The following ARFIP2 variants were observed in gnomAD, a reference collection of about 807,000 sequenced individuals.
The protein encoded by ARFIP2 is ARF interacting protein 2.
In ARFIP2, 14 loss-of-function variants were observed where a neutral mutation model predicts 39.2. The ratio of observed to expected loss-of-function variants is 0.36; its 90% CI spans 0.24 to 0.56. ARFIP2 has a LOEUF of 0.56. Ranked by LOEUF, ARFIP2 falls within the 20% of genes least tolerant of loss-of-function variation. The pLI is 0.85. For synonymous variants in ARFIP2, 167 were observed against 172.4 expected, an observed-to-expected ratio of 0.97 and a Z score of 0.24; for missense variants, 305 against 422.5, an observed-to-expected ratio of 0.72 and a Z score of 2.44.
chr11:6,477,184 T>C lies in ARFIP2; in HGVS notation c.955A>G (p.Thr319Ala). The C allele has an allele frequency of 1.2e-6, 2 of 1,612,900 alleles. No individual in the cohort carries two copies. Among genetic ancestry groups the C allele is most frequent in the Non-Finnish European group, 1.7e-6 (2 of 1,179,472 alleles). ...AGCTTGATGTTGAACTGCTGCAGGGTCTGCTCCAGCTGTTTCTGGTTCCCA... is the reference window on the plus strand; with the variant it reads ...AGCTTGATGTTGAACTGCTGCAGGGCCTGCTCCAGCTGTTTCTGGTTCCCA... ...FAGNQKQLEQ[T>A]LQQFNIKLRP... The change falls in exon 8 of 8, where the codon ACC becomes GCC. Residue 319 changes from threonine (T) to alanine (A), a missense_variant. Coordinates refer to ENST00000396777, the MANE Select transcript of ARFIP2 (RefSeq NM_001376558.2). This position sits in a 1 kb window ranked among gnomAD's most constrained non-coding sequence, Gnocchi z 4.8.
At chr11:6,480,581 A>G in intron 1 of ARFIP2, 118 bp from the exon 2 acceptor site, 1 of 588,980 alleles carries the variant, frequency 1.7e-6, no homozygotes, top group East Asian at 3.0e-5. Flanking sequence ...TTTGGCCATC[A>G]TTCCTTTCTT....
rs766340094 is a variant in ARFIP2, at chr11:6,479,333, C to T, written c.197-75G>A. On this transcript the variant is annotated intron_variant, in intron 3 of 7. Coordinates refer to ENST00000396777, the MANE Select transcript of ARFIP2 (RefSeq NM_001376558.2). Reference sequence around the variant, plus strand: ...CCTCTGTGGCCCCACCCATACTTCTCTTCGAGCACATGAAATTGACTTCCC... The same window carrying T: ...CCTCTGTGGCCCCACCCATACTTCTTTTCGAGCACATGAAATTGACTTCCC... 7 of 1,610,738 alleles carry T rather than the reference C, an allele frequency of 4.3e-6. No homozygotes were observed. The highest frequency in any genetic ancestry group is 5.9e-6 in the Non-Finnish European group (7 of 1,180,004).
At position 6,477,838 on chromosome 11, in the gene ARFIP2, C is replaced by T. The variant is rs775171912; in HGVS notation, c.750G>A (p.Arg250=). ...CAAGTCGACCACGTGTCCCTGCATCCCGGGGGCCTAGACTCAGCTCCTCTA... is the reference window on the plus strand; with the variant it reads ...CAAGTCGACCACGTGTCCCTGCATCTCGGGGGCCTAGACTCAGCTCCTCTA... ...TDLEELSLGP[R]DAGTRGRLES... Residue 250 remains arginine, a synonymous_variant, in exon 7 of 8, where the codon CGG becomes CGA. Transcript: ENST00000396777. This position sits in a 1 kb window ranked among gnomAD's most constrained non-coding sequence, Gnocchi z 4.8. 3.7e-6 allele frequency: 6 copies of T among 1,613,890 alleles called. No homozygotes were observed. The African/African-American group carries it at 4.0e-5, about 11-fold the overall frequency.
chr11:6,479,590 C>G (rs1192275586), intron 3 of ARFIP2: 11 of 573,454 alleles, frequency 1.9e-5, no homozygotes, highest in Non-Finnish European at 3.4e-5. Flanking sequence ...TGGTTGCATT[C>G]CCATGTGGAA....
chr11:6,477,011 C>A lies in ARFIP2; in HGVS notation c.*102G>T, dbSNP rs1177329870. On this transcript the variant is annotated 3_prime_UTR_variant, in exon 8 of 8. Transcript: ENST00000396777. This position sits in a 1 kb window ranked among gnomAD's most constrained non-coding sequence, Gnocchi z 4.8. The stretch of plus-strand genomic sequence containing the variant: ...CCCCAGCCAGAAAAAGGAGCCCAAG[C>A]CAGAGGGCAAGTGACAAAGGATGTA... The A allele has an allele frequency of 1.5e-6, 2 of 1,372,858 alleles. No homozygotes were observed. The highest frequency in any genetic ancestry group is 2.5e-5 in the East Asian group (1 of 39,368). The allele number at this position is 1,372,858 out of a possible 1,614,324, so 85.0% of individuals were successfully genotyped here.
At chr11:6,481,058 A>G (rs370158300) in intron 1 of ARFIP2, 173 bp downstream of exon 1, 96 of 229,664 alleles carry the variant, frequency 4.2e-4, no homozygotes, top group African/African-American at 2.1e-3. Flanking sequence ...CTCCCAGGAT[A>G]TCGGTGACCC....
At chr11:6,480,166 T>A (rs1211151517) in intron 2 of ARFIP2, 98 bp from the exon 3 acceptor site, 2 of 1,304,070 alleles carry the variant, frequency 1.5e-6, no homozygotes, top group East Asian at 4.6e-5. Context: ...ATAAAGATAG[T>A]ACACAAGGGA....
At chr11:6,480,187 G>A (rs1851570355) in intron 2 of ARFIP2, 119 bp from the exon 3 acceptor site, 1 of 1,272,754 alleles carries the variant, frequency 7.9e-7, no homozygotes. Context: ...AGTCTGCACA[G>A]AATCAAAATG....
At position 6,478,018 on chromosome 11, in the gene ARFIP2, C is replaced by G. The variant is rs1851285180; in HGVS notation, c.695+23G>C. On this transcript the variant is annotated intron_variant, in intron 6 of 7. Coordinates refer to ENST00000396777, the MANE Select transcript of ARFIP2 (RefSeq NM_001376558.2). This position sits in a 1 kb window ranked among gnomAD's most constrained non-coding sequence, Gnocchi z 4.8. ...CCCATACCAGCCAACTCCCCAAACC[C>G]TAAGCCCTGCCAGTGCCCACACCTG... 2.5e-6 allele frequency: 4 copies of G among 1,612,456 alleles called. No homozygotes were observed. The highest frequency in any genetic ancestry group is 3.3e-5 in the Admixed American group (2 of 59,952).
In ARFIP2 at chr11:6,478,209, A is replaced by G. The variant is rs1249133418; in HGVS notation, c.538-11T>C. On this transcript the variant is annotated splice_polypyrimidine_tract_variant and intron_variant, in intron 5 of 7. Transcript: ENST00000396777. This position sits in a 1 kb window ranked among gnomAD's most constrained non-coding sequence, Gnocchi z 4.8. ...GTAGCCAAATTCCTCCTGAGGGCAG[A>G]AGGGAGGAACAGACCTTGAATAACA... 1 of 1,613,938 alleles carries G rather than the reference A, an allele frequency of 6.2e-7. No individual in the cohort carries two copies. Among genetic ancestry groups the G allele is most frequent in the Non-Finnish European group, 8.5e-7 (1 of 1,179,924 alleles).
rs1851135131 is a variant in ARFIP2 at position 6,476,940 on chromosome 11, C to T, written c.*173G>A. ...GACAGGGCAGCAACTTCTGGGCCTC[C>T]AGGCCCTCTTCCCACCATAGCAATG... On this transcript the variant is annotated 3_prime_UTR_variant, in exon 8 of 8. Coordinates refer to ENST00000396777, the MANE Select transcript of ARFIP2 (RefSeq NM_001376558.2). 1 of 697,918 alleles carries T rather than the reference C, an allele frequency of 1.4e-6. No homozygotes were observed. The highest frequency in any genetic ancestry group is 2.3e-6 in the Non-Finnish European group (1 of 438,216). The allele number at this position is 697,918 out of a possible 1,614,324, so 43.2% of individuals were successfully genotyped here.
chr11:6,476,958 T>C lies in ARFIP2; in HGVS notation c.*155A>G. 2 of 852,488 alleles carry C rather than the reference T, an allele frequency of 2.3e-6. No homozygotes were observed. Among genetic ancestry groups the C allele is most frequent in the Non-Finnish European group, 1.8e-6 (1 of 571,394 alleles). 52.8% of individuals were successfully genotyped at this position (852,488 alleles called of 1,614,324 possible). A position where few individuals can be genotyped will look rare whatever the true frequency, so the allele number is the denominator to read the frequency against. ...GGGCCTCCAGGCCCTCTTCCCACCA[T>C]AGCAATGTGGGCAAAACTGGTGTCA... On this transcript the variant is annotated 3_prime_UTR_variant, in exon 8 of 8. Coordinates refer to ENST00000396777, the MANE Select transcript of ARFIP2 (RefSeq NM_001376558.2).
chr11:6,478,085 G>A lies in ARFIP2; in HGVS notation c.651C>T (p.Thr217=), dbSNP rs1335755418. Reference sequence around the variant, plus strand: ...TCACAGTCATGAGCGTGTCTTCCATGGTCTTGGTGACCAATGTGTTGATGC... The same window carrying A: ...TCACAGTCATGAGCGTGTCTTCCATAGTCTTGGTGACCAATGTGTTGATGC... ...VSSINTLVTK[T]MEDTLMTVKQ... Residue 217 remains threonine, a synonymous_variant, in exon 6 of 8, where the codon ACC becomes ACT. Coordinates refer to ENST00000396777, the MANE Select transcript of ARFIP2 (RefSeq NM_001376558.2). The surrounding 1 kb of genome is among the most constrained non-coding windows in gnomAD (Gnocchi z 4.8). The A allele has an allele frequency of 3.1e-6, 5 of 1,613,950 alleles. No homozygotes were observed. Among genetic ancestry groups the A allele is most frequent in the Non-Finnish European group, 4.2e-6 (5 of 1,180,002 alleles).
At chr11:6,479,869 G>A (rs760604885) in intron 3 of ARFIP2, 103 bp downstream of exon 3, 2 of 1,171,782 alleles carry the variant, frequency 1.7e-6, no homozygotes, top group Non-Finnish European at 2.5e-6. Flanking sequence ...AAGTTCCCAA[G>A]ATCTCCAGAC....
Position 6,478,455 on chromosome 11 carries a change from A to G in ARFIP2, c.538-257T>C. ...CAGTCTGAGAGCTAGTGTGGCAAGCAGGGGAGGGGCTCTGATTAGGCTGAG... is the reference window on the plus strand; with the variant it reads ...CAGTCTGAGAGCTAGTGTGGCAAGCGGGGGAGGGGCTCTGATTAGGCTGAG... On this transcript the variant is annotated intron_variant, in intron 5 of 7. Transcript: ENST00000396777. The surrounding 1 kb of genome is among the most constrained non-coding windows in gnomAD (Gnocchi z 4.8). The G allele has an allele frequency of 9.5e-7, 1 of 1,058,122 alleles. No individual in the cohort carries two copies. The highest frequency in any genetic ancestry group is 1.3e-6 in the Non-Finnish European group (1 of 756,390). 65.5% of individuals were successfully genotyped at this position (1,058,122 alleles called of 1,614,324 possible).
At chr11:6,480,163 TAGTACACAAGGGA>T (rs1851568305) in intron 2 of ARFIP2, 95 bp from the exon 3 acceptor site, 1 of 1,315,946 alleles carries the variant, frequency 7.6e-7, no homozygotes. Flanking sequence ...ATCATAAAGA[TAGTACACAAGGGA>T]AGTCTGCACA....
rs186878843 is a variant in ARFIP2, at chr11:6,480,281, G to T, written c.99+42C>A. ...GTGAGAACCTAGGATTTATAAATTG[G>T]ATTCCTAAATTGAAACAATTAGAAG... On this transcript the variant is annotated intron_variant, in intron 2 of 7. Transcript: ENST00000396777. The T allele has an allele frequency of 5.4e-4, 852 of 1,577,884 alleles. 5 individuals carry two copies. The African/African-American group carries it at 0.01, about 19-fold the overall frequency.
chr11:6,479,031 C>T, intron 4 of ARFIP2, 72 bp from the exon 5 acceptor site: 3 of 1,570,750 alleles, frequency 1.9e-6, no homozygotes, highest in Non-Finnish European at 8.7e-7. Flanking sequence ...TACCCCAGCA[C>T]CCCCCAGGCT....
At chr11:6,479,823 T>A (rs1349931460) in intron 3 of ARFIP2, 149 bp downstream of exon 3, 1 of 760,892 alleles carries the variant, frequency 1.3e-6, no homozygotes, top group Admixed American at 2.5e-5. Flanking sequence ...GAGTTGCTTT[T>A]GGGCTGAGGA....
Sources: gnomAD v4.1 joint callset for allele counts on GRCh38, gnomAD v4.1.1 for gene constraint, Gnocchi (gnomAD v3.1) non-coding constraint, MANE v1.5 for transcripts, NCBI Gene and HGNC (gene_info 2026-07-23, HGNC 2026-07-21) for gene names.